The following CD28 variants were observed in gnomAD, a reference collection of about 807,000 sequenced individuals.
CD28 encodes T-cell-specific surface glycoprotein CD28.
In CD28, 8 loss-of-function variants were observed where a neutral mutation model predicts 21.4. That is an observed-to-expected ratio of 0.37 (90% CI 0.22 to 0.68). CD28 has a LOEUF of 0.68. CD28 is among the 30% of genes least tolerant of loss of function. The pLI, the probability that CD28 is intolerant of heterozygous loss-of-function variation, is 0.55. For synonymous variants in CD28, 106 were observed against 104.0 expected, an observed-to-expected ratio of 1.02 and a Z score of -0.12; for missense variants, 239 against 272.2, an observed-to-expected ratio of 0.88 and a Z score of 0.86.
chr2:203,733,318 G>A (rs916827715), intron 3 of CD28, among the ~76,000 whole-genome samples: 1 of 152,114 alleles, frequency 6.6e-6, no homozygotes, highest in Non-Finnish European at 1.5e-5. Flanking sequence ...AATGTCTCCT[G>A]GGACAGGGAT....
Position 203,736,629 on chromosome 2 carries a change from C to T in CD28, c.*1717C>T, listed in dbSNP as rs1381555820. 6.6e-6 allele frequency: 1 copy of T among 152,188 alleles called. No homozygotes were observed. The highest frequency in any genetic ancestry group is 2.4e-5 in the African/African-American group (1 of 41,444). 9.4% of individuals were successfully genotyped at this position (152,188 alleles called of 1,614,324 possible). On this transcript the variant is annotated 3_prime_UTR_variant, in exon 4 of 4. Coordinates refer to ENST00000324106, the MANE Select transcript of CD28 (RefSeq NM_006139.4). ...TGCCTGGGGACCTTGAAGAATGGCCCTTCAGTGGCCCTCACCATTTGTTCA... is the reference window on the plus strand; with the variant it reads ...TGCCTGGGGACCTTGAAGAATGGCCTTTCAGTGGCCCTCACCATTTGTTCA...
chr2:203,708,976 G>T (rs986493260), intron 1 of CD28, among the ~76,000 whole-genome samples: 17 of 152,202 alleles, frequency 1.1e-4, no homozygotes, highest in Admixed American at 9.8e-4. Context: ...AAAAAAATTA[G>T]CAGGGTGTGG....
At position 203,729,786 on chromosome 2, in the gene CD28, C is replaced by G. The variant is rs748340851; in HGVS notation, c.534+14C>G. On this transcript the variant is annotated intron_variant, in intron 3 of 3. Transcript: ENST00000324106. ...ATTATTTTCTGGGTAAGAGAAGCAGCACTGCTTTTATGTAACTTTTCCACT... is the reference window on the plus strand; with the variant it reads ...ATTATTTTCTGGGTAAGAGAAGCAGGACTGCTTTTATGTAACTTTTCCACT... 6.2e-7 allele frequency: 1 copy of G among 1,610,484 alleles called. No homozygotes were observed. Among genetic ancestry groups the G allele is most frequent in the Non-Finnish European group, 8.5e-7 (1 of 1,178,800 alleles).
intron 3 of CD28, among the ~76,000 whole-genome samples, chr2:203,734,291 T>TC (rs1693969397): frequency 6.6e-6 from 1 of 152,246 alleles, no homozygotes; most frequent in Non-Finnish European, 1.5e-5. Flanking sequence ...AATGTACTAG[T>TC]TGTCTAGAAC....
In CD28 at chr2:203,738,311, A is replaced by G. The variant is rs1694095100; in HGVS notation, c.*3399A>G. The G allele has an allele frequency of 6.6e-6, 1 of 152,154 alleles. No homozygotes were observed. The highest frequency in any genetic ancestry group is 6.5e-5 in the Admixed American group (1 of 15,272). The allele number at this position is 152,154 out of a possible 1,614,324, so 9.4% of individuals were successfully genotyped here. A position where few individuals can be genotyped will look rare whatever the true frequency, so the allele number is the denominator to read the frequency against. ...CAGCCATTTGCACTGCCAGCTGGGA[A>G]CTATACCAGACCTGGATACTGATCC... On this transcript the variant is annotated 3_prime_UTR_variant, in exon 4 of 4. Coordinates refer to ENST00000324106, the MANE Select transcript of CD28 (RefSeq NM_006139.4).
chr2:203,710,509 C>T (rs980989624), intron 1 of CD28, among the ~76,000 whole-genome samples: 2 of 152,198 alleles, frequency 1.3e-5, no homozygotes, highest in African/African-American at 4.8e-5. Context: ...ATCTCGCTGC[C>T]TCCCCTTCTT....
intron 2 of CD28, 150 bp downstream of exon 2, chr2:203,727,139 C>A: frequency 3.2e-6 from 2 of 618,504 alleles, no homozygotes; most frequent in Non-Finnish European, 5.8e-6. Context: ...AAAATTTTTC[C>A]CTTTACTGTA....
chr2:203,726,326 T>C (rs1473332656), intron 1 of CD28, among the ~76,000 whole-genome samples: 1 of 152,192 alleles, frequency 6.6e-6, no homozygotes, highest in Non-Finnish European at 1.5e-5. Context: ...AATATTAATG[T>C]CTCAGGAATA....
chr2:203,731,706 C>T (rs1693898619), intron 3 of CD28, among the ~76,000 whole-genome samples: 1 of 152,218 alleles, frequency 6.6e-6, no homozygotes, highest in African/African-American at 2.4e-5. Context: ...TTCTCACTTT[C>T]AATGAATTTA....
chr2:203,723,741 A>G (rs559404244), intron 1 of CD28, among the ~76,000 whole-genome samples: 2 of 152,314 alleles, frequency 1.3e-5, no homozygotes, highest in East Asian at 3.9e-4. Flanking sequence ...ATGAACAATA[A>G]CAAGTGTCGG....
At chr2:203,731,073 T>C (rs1448406711) in intron 3 of CD28, among the ~76,000 whole-genome samples, 1 of 152,220 alleles carries the variant, frequency 6.6e-6, no homozygotes, top group Non-Finnish European at 1.5e-5. Flanking sequence ...TCAGGCTGCC[T>C]GTTGCTTACT....
At chr2:203,731,950 G>T (rs1011181685) in intron 3 of CD28, among the ~76,000 whole-genome samples, 18 of 152,106 alleles carry the variant, frequency 1.2e-4, no homozygotes, top group African/African-American at 4.3e-4. Context: ...CTGGGTCTTT[G>T]TACTCTCTTA....
intron 1 of CD28, among the ~76,000 whole-genome samples, chr2:203,709,148 G>A (rs1056738059): frequency 4.6e-5 from 7 of 151,524 alleles, no homozygotes; most frequent in Non-Finnish European, 1.0e-4. Context: ...TAATCAAATA[G>A]TGCAAAGCTT....
At chr2:203,731,339 A>C (rs761522010) in intron 3 of CD28, among the ~76,000 whole-genome samples, 2 of 152,104 alleles carry the variant, frequency 1.3e-5, no homozygotes, top group Non-Finnish European at 2.9e-5. Context: ...ATAATTTTCG[A>C]GTTTTTAGAA....
In CD28 at chr2:203,738,524, C is replaced by G. The variant is rs1298647118; in HGVS notation, c.*3612C>G. On this transcript the variant is annotated 3_prime_UTR_variant, in exon 4 of 4. Coordinates refer to ENST00000324106, the MANE Select transcript of CD28 (RefSeq NM_006139.4). ...GCCATTTGAGGCTCAGAAAGTCTCT[C>G]TTTCCTATAGATATATGCATACTTT... is the stretch of plus-strand genomic sequence containing the variant. 6.6e-6 allele frequency: 1 copy of G among 152,164 alleles called. No homozygotes were observed. The highest frequency in any genetic ancestry group is 1.5e-5 in the Non-Finnish European group (1 of 68,032). 9.4% of individuals were successfully genotyped at this position (152,164 alleles called of 1,614,324 possible). A position where few individuals can be genotyped will look rare whatever the true frequency, so the allele number is the denominator to read the frequency against.
chr2:203,725,180 C>T (rs982806458), intron 1 of CD28, among the ~76,000 whole-genome samples: 1 of 151,976 alleles, frequency 6.6e-6, no homozygotes, highest in Non-Finnish European at 1.5e-5. Context: ...ATCCCAGCTA[C>T]TCGGGAGGCT....
chr2:203,729,531 C>A lies in CD28; in HGVS notation c.410-117C>A, dbSNP rs199695596. 2.8e-3 allele frequency: 2,972 copies of A among 1,068,790 alleles called. 16 individuals carry two copies. The highest frequency in any genetic ancestry group is 0.012 in the South Asian group (802 of 65,860). The allele number at this position is 1,068,790 out of a possible 1,614,324, so 66.2% of individuals were successfully genotyped here. On this transcript the variant is annotated intron_variant, in intron 2 of 3. Coordinates refer to ENST00000324106, the MANE Select transcript of CD28 (RefSeq NM_006139.4). ...AAAGAGGAAATCTATTCACTCTAAG[C>A]TGGTGATATGTTTAATATTTTTATT...
chr2:203,723,964 T>A (rs1255041527), intron 1 of CD28, among the ~76,000 whole-genome samples: 1 of 152,226 alleles, frequency 6.6e-6, no homozygotes, highest in African/African-American at 2.4e-5. Flanking sequence ...GCATTATTCA[T>A]AATAGCCAAA....
In CD28 at chr2:203,726,805, G is replaced by C; in HGVS notation, c.225G>C (p.Gln75His). The change falls in exon 2 of 4, where the codon CAG becomes CAC. Residue 75 changes from glutamine to histidine, a missense_variant. Around this residue, in one of 3 missense-constraint regions of CD28, gnomAD observed 104 missense variants for 108.5 expected, o/e 0.96. Transcript: ENST00000324106. ...TTGTATATGGGAATTACTCCCAGCA[G>C]CTTCAGGTTTACTCAAAAACGGGGT... ...VCVVYGNYSQQLQVYSKTGFN... is the reference protein window; with the variant it reads ...VCVVYGNYSQHLQVYSKTGFN... 1 of 1,614,206 alleles carries C rather than the reference G, an allele frequency of 6.2e-7. No homozygotes were observed. The highest frequency in any genetic ancestry group is 8.5e-7 in the Non-Finnish European group (1 of 1,180,028).
Sources: allele counts gnomAD v4.1 joint callset (sites outside exome capture counted in the v4.1 genomes callset), GRCh38; gene constraint gnomAD v4.1.1; regional missense constraint gnomAD v4.1.1; transcripts MANE v1.5; gene names NCBI Gene and HGNC (gene_info 2026-07-23, HGNC 2026-07-21).